Variants in CHL1 observed in about 807,000 individuals in gnomAD.
CHL1 encodes cell adhesion molecule L1 like.
A neutral mutation model predicts 141.9 loss-of-function variants in CHL1; 96 were observed. That is an observed-to-expected ratio of 0.68 (90% CI 0.57 to 0.80). The LOEUF (loss-of-function observed/expected upper bound fraction) is 0.80, where lower values mean the gene tolerates loss of function less well. CHL1 is among the 30% of genes least tolerant of loss of function. CHL1 has a pLI of 0.00. For synonymous variants in CHL1, 613 were observed against 502.2 expected (o/e 1.22, Z -2.95); for missense variants, 1,820 against 1,457.2 (o/e 1.25, Z -4.05).
rs1707166720 is a variant in CHL1 at position 382,462 on chromosome 3, T to C, written c.1979-12T>C. The C allele has an allele frequency of 6.2e-7, 1 of 1,607,982 alleles. No individual in the cohort carries two copies. On this transcript the variant is annotated splice_polypyrimidine_tract_variant and intron_variant, in intron 17 of 27. Coordinates refer to ENST00000256509, the MANE Select transcript of CHL1 (RefSeq NM_006614.4). ...ATACATTCTAATATTTTTTCCCTGT[T>C]TATACTACCAGAGTATATTGTTGAA...
At chr3:200,440 C>G (rs781706695) in intron 1 of CHL1, among the ~76,000 whole-genome samples, 2 of 152,138 alleles carry the variant, frequency 1.3e-5, no homozygotes, top group Admixed American at 6.5e-5. Context: ...TTATCTGATT[C>G]AGTCAACGTT....
chr3:239,666 C>T (rs1366188403), intron 1 of CHL1, among the ~76,000 whole-genome samples: 1 of 151,060 alleles, frequency 6.6e-6, no homozygotes, highest in African/African-American at 2.4e-5. Flanking sequence ...TGCGTAAGTT[C>T]TTTTATGCTG....
At chr3:333,280 G>T (rs922681600) in intron 5 of CHL1, among the ~76,000 whole-genome samples, 1 of 151,598 alleles carries the variant, frequency 6.6e-6, no homozygotes, top group Non-Finnish European at 1.5e-5. Flanking sequence ...CCAATACTTA[G>T]GAGTTTATAA....
Position 399,019 on chromosome 3 carries a change from T to A in CHL1, c.3256T>A (p.Tyr1086Asn). 1 of 1,613,290 alleles carries A rather than the reference T, an allele frequency of 6.2e-7. No individual in the cohort carries two copies. Among genetic ancestry groups the A allele is most frequent in the Non-Finnish European group, 8.5e-7 (1 of 1,179,378 alleles). The change falls in exon 26 of 28, where the codon TAT becomes AAT. Residue 1086 changes from tyrosine to asparagine, a missense_variant and splice_region_variant. By Grantham distance (143) the Tyr-to-Asn change is moderately radical. Coordinates refer to ENST00000256509, the MANE Select transcript of CHL1 (RefSeq NM_006614.4). ...QDVIETRGRE[Y>N]AGLYDDISTQ... ...TGTGACTTCTCTTTCTACCACAGAATATGCTGGTTTATATGATGACATCTC... is the reference window on the plus strand; with the variant it reads ...TGTGACTTCTCTTTCTACCACAGAAAATGCTGGTTTATATGATGACATCTC...
rs1416131655 is a variant in CHL1, at chr3:407,817, A to C, written c.*2106A>C. The C allele has an allele frequency of 6.6e-6, 1 of 152,156 alleles. No individual in the cohort carries two copies. Among genetic ancestry groups the C allele is most frequent in the African/African-American group, 2.4e-5 (1 of 41,442 alleles). 9.4% of individuals were successfully genotyped at this position (152,156 alleles called of 1,614,324 possible). ...AAGTCAGAAACTAAAACAAATACTGAAATATTAGCTCTTCCTACACTTCGT... is the reference window on the plus strand; with the variant it reads ...AAGTCAGAAACTAAAACAAATACTGCAATATTAGCTCTTCCTACACTTCGT... On this transcript the variant is annotated 3_prime_UTR_variant, in exon 28 of 28. Transcript: ENST00000256509.
intron 1 of CHL1, among the ~76,000 whole-genome samples, chr3:206,852 G>A (rs1198480647): frequency 6.6e-6 from 1 of 152,142 alleles, no homozygotes; most frequent in South Asian, 2.1e-4. Context: ...ATATGAATAC[G>A]CATGGATTTC....
rs781509058 is a variant in CHL1 at position 394,886 on chromosome 3, G to A, written c.3094+14G>A. 6 of 1,577,490 alleles carry A rather than the reference G, an allele frequency of 3.8e-6. No homozygotes were observed. Among genetic ancestry groups the A allele is most frequent in the Non-Finnish European group, 5.1e-6 (6 of 1,166,440 alleles). Reference sequence around the variant, plus strand: ...TAGGAGAAGGGAGTAAGTACATGAGGCTTCTCTTTTTAATAGAGGCTTTAA... The same window carrying A: ...TAGGAGAAGGGAGTAAGTACATGAGACTTCTCTTTTTAATAGAGGCTTTAA... On this transcript the variant is annotated intron_variant, in intron 24 of 27. Transcript: ENST00000256509.
At chr3:347,671 A>G (rs1319119428) in intron 9 of CHL1, among the ~76,000 whole-genome samples, 1 of 152,226 alleles carries the variant, frequency 6.6e-6, no homozygotes, top group East Asian at 1.9e-4. Flanking sequence ...GTTCCAGAGC[A>G]GCCTATAACT....
At position 340,799 on chromosome 3, in the gene CHL1, C is replaced by A. The variant is rs755774924; in HGVS notation, c.391C>A (p.Pro131Thr). 3 of 1,606,300 alleles carry A rather than the reference C, an allele frequency of 1.9e-6. No individual in the cohort carries two copies. Among genetic ancestry groups the A allele is most frequent in the Non-Finnish European group, 2.6e-6 (3 of 1,175,144 alleles). The change falls in exon 6 of 28, where the codon CCA (proline) becomes ACA (threonine). Residue 131 changes from proline (P) to threonine (T), a missense_variant. Coordinates refer to ENST00000256509, the MANE Select transcript of CHL1 (RefSeq NM_006614.4). Reference protein sequence around the residue: ...EEIEFIVPSVPKFPKEKIDPL... With the variant: ...EEIEFIVPSVTKFPKEKIDPL... ...AAAATGATTTTTTACACCAGGTGTT[C>A]CAAAATTCCCAAAAGAAAAAATTGA... is the stretch of plus-strand genomic sequence containing the variant.
At chr3:237,414 G>A (rs1404732683) in intron 1 of CHL1, among the ~76,000 whole-genome samples, 1 of 152,174 alleles carries the variant, frequency 6.6e-6, no homozygotes, top group Admixed American at 6.5e-5. Context: ...CCCAGTCTCA[G>A]GAAGTTCTTT....
At position 405,846 on chromosome 3, in the gene CHL1, T is replaced by G. The variant is rs774929825; in HGVS notation, c.*135T>G. The G allele has an allele frequency of 4.3e-3, 2,770 of 640,906 alleles. 60 individuals are homozygous for G. In the African/African-American group the frequency reaches 0.044, roughly 10 times the overall value. 39.7% of individuals were successfully genotyped at this position (640,906 alleles called of 1,614,324 possible). The stretch of plus-strand genomic sequence containing the variant: ...CATCCAGAAGTCAACATCCTGCAAT[T>G]ATGTTGAAAAGAGTAGTACTTTCTT... On this transcript the variant is annotated 3_prime_UTR_variant, in exon 28 of 28. Transcript: ENST00000256509.
At chr3:220,883 A>C (rs960229361) in intron 1 of CHL1, among the ~76,000 whole-genome samples, 2 of 152,198 alleles carry the variant, frequency 1.3e-5, no homozygotes, top group Admixed American at 1.3e-4. Context: ...GTTTTAACCC[A>C]CACCTTCGAA....
At chr3:302,662 A>G (rs1229042141) in intron 2 of CHL1, among the ~76,000 whole-genome samples, 5 of 152,020 alleles carry the variant, frequency 3.3e-5, no homozygotes, top group African/African-American at 1.2e-4. Flanking sequence ...CAGATGGATA[A>G]ATTGCAAAAA....
chr3:280,184 T>C (rs1463959157), intron 2 of CHL1, among the ~76,000 whole-genome samples: 2 of 152,076 alleles, frequency 1.3e-5, no homozygotes, highest in African/African-American at 2.4e-5. Context: ...GAAATTCATA[T>C]TTAAAAAGTT....
At chr3:257,353 CTT>C (rs35247275) in intron 2 of CHL1, among the ~76,000 whole-genome samples, 20 of 137,108 alleles carry the variant, frequency 1.5e-4, no homozygotes, top group Admixed American at 2.9e-4. Context: ...TTTTCTTCTT[CTT>C]TTTTTTTTTT....
intron 16 of CHL1, among the ~76,000 whole-genome samples, chr3:380,421 G>A (rs995567495): frequency 2.6e-5 from 4 of 152,212 alleles, no homozygotes; most frequent in East Asian, 1.9e-4. Context: ...TTTCTCTTCT[G>A]CTAAAAGATA....
At chr3:331,980 C>T (rs1375723466) in intron 5 of CHL1, among the ~76,000 whole-genome samples, 1 of 152,218 alleles carries the variant, frequency 6.6e-6, no homozygotes, top group Non-Finnish European at 1.5e-5. Flanking sequence ...CTACTGATGA[C>T]AGTCCAGTTT....
At chr3:343,696 G>A (rs563540235) in intron 8 of CHL1, among the ~76,000 whole-genome samples, 175 of 152,246 alleles carry the variant, frequency 1.1e-3, no homozygotes, top group South Asian at 3.7e-3. Context: ...TGATAACTTA[G>A]ATACCTTGCA....
rs1259281416 is a variant in CHL1, at chr3:408,984, T to A, written c.*3273T>A. 7 of 151,994 alleles carry A rather than the reference T, an allele frequency of 4.6e-5. No individual in the cohort carries two copies. The highest frequency in any genetic ancestry group is 5.9e-5 in the Non-Finnish European group (4 of 67,966). The allele number at this position is 151,994 out of a possible 1,614,324, so 9.4% of individuals were successfully genotyped here. On this transcript the variant is annotated 3_prime_UTR_variant, in exon 28 of 28. Transcript: ENST00000256509. Reference sequence around the variant, plus strand: ...CTAAAGAGGGGACAATAATGAGAAATGTTGGTGTGCTTTTCTAAGCATTTA... The same window carrying A: ...CTAAAGAGGGGACAATAATGAGAAAAGTTGGTGTGCTTTTCTAAGCATTTA...
Sources: allele counts gnomAD v4.1 joint callset (sites outside exome capture counted in the v4.1 genomes callset), GRCh38; gene constraint gnomAD v4.1.1; transcripts MANE v1.5; gene names NCBI Gene and HGNC (gene_info 2026-07-23, HGNC 2026-07-21).